The following TTC17 variants were observed in gnomAD, a reference collection of about 807,000 sequenced individuals.
TTC17 encodes tetratricopeptide repeat protein 17.
Under a neutral mutation model 143.8 loss-of-function variants are expected in TTC17, and 58 were observed. The ratio of observed to expected loss-of-function variants is 0.40; its 90% CI spans 0.33 to 0.50. The LOEUF is 0.50. Among genes scored for constraint, TTC17 ranks in the 20% least tolerant of loss-of-function variants. The pLI is 0.49. For missense variants in TTC17, 1,273 were observed against 1,392.5 expected, an observed-to-expected ratio of 0.91 and a Z score of 1.37; for synonymous variants, 501 against 497.8, an observed-to-expected ratio of 1.01 and a Z score of -0.09.
intron 1 of TTC17, among the ~76,000 whole-genome samples, chr11:43,362,352 C>A (rs1284942208): frequency 1.3e-5 from 2 of 152,100 alleles, no homozygotes; most frequent in Non-Finnish European, 2.9e-5. Context: ...AGGAGTCTTT[C>A]CCAGGAGAGA....
At chr11:43,384,228 G>A (rs908292650) in intron 2 of TTC17, among the ~76,000 whole-genome samples, 4 of 152,000 alleles carry the variant, frequency 2.6e-5, no homozygotes, top group African/African-American at 9.7e-5. Flanking sequence ...CATAGAAAAA[G>A]TATCTACTAT....
chr11:43,482,455 G>A (rs374507063), intron 21 of TTC17, among the ~76,000 whole-genome samples: 1 of 151,876 alleles, frequency 6.6e-6, no homozygotes, highest in African/African-American at 2.4e-5. Context: ...TTATTTAGGA[G>A]TATGATATTT....
At chr11:43,486,462 C>T (rs1397829459) in intron 21 of TTC17, 2 of 448,846 alleles carry the variant, frequency 4.5e-6, no homozygotes, top group East Asian at 1.4e-4. Flanking sequence ...GTAGGAGGGA[C>T]TACTATACCA....
At position 43,403,908 on chromosome 11, in the gene TTC17, T is replaced by C. The variant is rs773549301; in HGVS notation, c.1333-90T>C. 3.1e-4 allele frequency: 361 copies of C among 1,148,712 alleles called. No homozygotes were observed. In the Middle Eastern group the frequency reaches 4.2e-3, roughly 13 times the overall value. 71.2% of individuals were successfully genotyped at this position (1,148,712 alleles called of 1,614,324 possible). On this transcript the variant is annotated intron_variant, in intron 10 of 23. Transcript: ENST00000039989. ...TTTCTGATTTTCTACTAATTTTGAA[T>C]ATTCACTCGCTTTTTTGGTGTGAGT...
intron 9 of TTC17, among the ~76,000 whole-genome samples, chr11:43,401,058 A>G (rs1186049682): frequency 1.3e-5 from 2 of 152,198 alleles, no homozygotes; most frequent in Admixed American, 6.5e-5. Flanking sequence ...ACTGCCCAGT[A>G]TATTGAAATG....
intron 5 of TTC17, among the ~76,000 whole-genome samples, chr11:43,392,620 A>G (rs1039761557): frequency 1.3e-5 from 2 of 152,346 alleles, no homozygotes; most frequent in African/African-American, 4.8e-5. Context: ...TTTTCAGATA[A>G]AAGTCCGATA....
intron 23 of TTC17, among the ~76,000 whole-genome samples, chr11:43,493,005 G>T (rs1370965119): frequency 2.0e-5 from 3 of 152,218 alleles, no homozygotes. Context: ...CTTCAGAGGC[G>T]AGAAGTATTT....
chr11:43,365,787 C>T (rs1029281581), intron 1 of TTC17, among the ~76,000 whole-genome samples: 2 of 152,152 alleles, frequency 1.3e-5, no homozygotes, highest in African/African-American at 2.4e-5. Context: ...TTTTATCAAA[C>T]TCCTTGGGAG....
In TTC17 at chr11:43,399,887, G is replaced by A; in HGVS notation, c.1059-1G>A. On this transcript the variant is annotated splice_acceptor_variant, in intron 8 of 23. Transcript: ENST00000039989. LOFTEE classifies it high-confidence loss of function. ...TTTTCCTGGTATTAAAAAATGTTAA[G>A]ATCTCTCCAGCGAACACTGAATGAG... 3 of 1,591,364 alleles carry A rather than the reference G, an allele frequency of 1.9e-6. No homozygotes were observed. The highest frequency in any genetic ancestry group is 2.6e-6 in the Non-Finnish European group (3 of 1,172,302).
chr11:43,420,305 A>G (rs1050760964), intron 16 of TTC17, among the ~76,000 whole-genome samples: 5 of 152,188 alleles, frequency 3.3e-5, no homozygotes, highest in Non-Finnish European at 5.9e-5. Flanking sequence ...TGATTGAAAG[A>G]TTGGAAGAAT....
chr11:43,406,118 A>G (rs553979355), intron 13 of TTC17, among the ~76,000 whole-genome samples, 167 bp downstream of exon 13: 1 of 152,334 alleles, frequency 6.6e-6, no homozygotes, highest in African/African-American at 2.4e-5. Flanking sequence ...CAGTCATGCT[A>G]TTAAAGGAGT....
chr11:43,464,418 G>C (rs771847201), intron 21 of TTC17, among the ~76,000 whole-genome samples: 91 of 152,070 alleles, frequency 6.0e-4, no homozygotes, highest in Non-Finnish European at 1.1e-3. Context: ...CCTGTAACTT[G>C]GATGTAGGGA....
intron 1 of TTC17, among the ~76,000 whole-genome samples, chr11:43,375,281 A>G (rs531878870): frequency 9.9e-4 from 151 of 152,286 alleles, no homozygotes; most frequent in Middle Eastern, 3.4e-3. Flanking sequence ...ATTCTCTGAC[A>G]ACGGCTTCCC....
chr11:43,472,757 C>A (rs924167055), intron 21 of TTC17, among the ~76,000 whole-genome samples: 1 of 151,192 alleles, frequency 6.6e-6, no homozygotes, highest in African/African-American at 2.4e-5. Context: ...TTGATCATAA[C>A]CTGAGTCATA....
chr11:43,457,825 C>T (rs1396106248), intron 21 of TTC17, among the ~76,000 whole-genome samples: 1 of 151,588 alleles, frequency 6.6e-6, no homozygotes, highest in Non-Finnish European at 1.5e-5. Flanking sequence ...TGGAAAAACT[C>T]CAAAGATCTA....
intron 19 of TTC17, chr11:43,449,106 C>T (rs1235655094): frequency 1.3e-5 from 2 of 152,404 alleles, no homozygotes; most frequent in Non-Finnish European, 2.9e-5. Flanking sequence ...TCTGTTCACT[C>T]TTGCCTCTGT....
intron 1 of TTC17, among the ~76,000 whole-genome samples, chr11:43,372,697 G>C (rs1189851286): frequency 6.6e-6 from 1 of 151,914 alleles, no homozygotes; most frequent in Non-Finnish European, 1.5e-5. Context: ...CACCATGTTA[G>C]ACAGGCTAGT....
Position 43,488,313 on chromosome 11 carries a change from C to T in TTC17, c.3031-1926C>T, listed in dbSNP as rs981214832. On this transcript the variant is annotated intron_variant, in intron 21 of 23. Coordinates refer to ENST00000039989, the MANE Select transcript of TTC17 (RefSeq NM_018259.6). Reference sequence around the variant, plus strand: ...AAATTAACAAAAATGTTATTGAAAACACAAATCAGACAAGCAGTTAAGTTT... The same window carrying T: ...AAATTAACAAAAATGTTATTGAAAATACAAATCAGACAAGCAGTTAAGTTT... 2.0e-5 allele frequency among the ~76,000 whole-genome samples: 3 copies of T among 152,086 alleles called. No homozygotes were observed. In the East Asian group the frequency reaches 5.8e-4, roughly 29 times the overall value.
chr11:43,364,592 G>A (rs1856255566), intron 1 of TTC17, among the ~76,000 whole-genome samples: 3 of 152,100 alleles, frequency 2.0e-5, no homozygotes, highest in South Asian at 4.1e-4. Flanking sequence ...CTAGGCATCT[G>A]CCAAACCTTT....
Sources: allele counts gnomAD v4.1 joint callset (sites outside exome capture counted in the v4.1 genomes callset), GRCh38; gene constraint gnomAD v4.1.1; transcripts MANE v1.5; gene names NCBI Gene and HGNC (gene_info 2026-07-23, HGNC 2026-07-21).